ASB15: variants seen among roughly 807,000 people sequenced by gnomAD.
ASB15 encodes ankyrin repeat and SOCS box containing 15.
ASB15 carries 54 observed loss-of-function variants against 58.0 expected under a neutral mutation model. That is an observed-to-expected ratio of 0.93 (90% CI 0.75 to 1.17). The LOEUF is 1.17. Among genes scored for constraint, ASB15 ranks in the 50% most tolerant of loss-of-function variants. The pLI is 0.00. For missense variants in ASB15, 680 were observed against 707.4 expected (o/e 0.96, Z 0.44); for synonymous variants, 249 against 262.4 (o/e 0.95, Z 0.50).
chr7:123,570,121 G>A (rs977269069), intron 1 of ASB15, among the ~76,000 whole-genome samples: 1 of 140,034 alleles, frequency 7.1e-6, no homozygotes, highest in African/African-American at 2.7e-5. Context: ...TATAAGCTCT[G>A]CCTCCCGGGT....
At chr7:123,619,662 T>A (rs982398250) in intron 7 of ASB15, among the ~76,000 whole-genome samples, 1 of 152,172 alleles carries the variant, frequency 6.6e-6, no homozygotes, top group African/African-American at 2.4e-5. Flanking sequence ...TAGCTGGGAC[T>A]ACAGGCGCCC....
At chr7:123,621,677 C>T (rs1251126678) in intron 7 of ASB15, 2 of 152,104 alleles carry the variant, frequency 1.3e-5, no homozygotes, top group African/African-American at 2.4e-5. Flanking sequence ...ACTTTTGGTC[C>T]CTCTGGGACC....
At chr7:123,576,857 GGTTACATTATT>G (rs1799080933) in intron 1 of ASB15, among the ~76,000 whole-genome samples, 1 of 152,018 alleles carries the variant, frequency 6.6e-6, no homozygotes, top group South Asian at 2.1e-4. Context: ...AGGGTCTGCT[GGTTACATTATT>G]CCAGTTTTGT....
chr7:123,597,648 A>G (rs140596914), upstream of ASB15, among the ~76,000 whole-genome samples: 3,869 of 152,176 alleles, frequency 0.025, 155 homozygotes, highest in African/African-American at 0.088. Flanking sequence ...CTTGGCCAAC[A>G]TGGTGAAACC....
At chr7:123,589,949 G>T (rs989511192) in intron 1 of ASB15, among the ~76,000 whole-genome samples, 1 of 152,098 alleles carries the variant, frequency 6.6e-6, no homozygotes, top group Non-Finnish European at 1.5e-5. Flanking sequence ...GTGTAAAAGC[G>T]TTCCTATTTC....
At chr7:123,621,037 A>G (rs954476137) in intron 7 of ASB15, among the ~76,000 whole-genome samples, 1 of 152,094 alleles carries the variant, frequency 6.6e-6, no homozygotes, top group South Asian at 2.1e-4. Flanking sequence ...GTATCAATCC[A>G]CTTATTTCTT....
chr7:123,628,414 C>A (rs535797117), intron 9 of ASB15, among the ~76,000 whole-genome samples: 45 of 152,298 alleles, frequency 3.0e-4, no homozygotes, highest in Non-Finnish European at 5.7e-4. Context: ...TTAAATGAAG[C>A]AGTTGGACTG....
chr7:123,604,513 T>C (rs1417541914), intron 2 of ASB15, among the ~76,000 whole-genome samples: 4 of 149,678 alleles, frequency 2.7e-5, no homozygotes, highest in Non-Finnish European at 5.9e-5. Flanking sequence ...ACCTGGGAGG[T>C]GGATGTTGCA....
intron 7 of ASB15, chr7:123,619,964 CAAAT>C (rs1801131099): frequency 6.6e-6 from 1 of 152,274 alleles, no homozygotes; most frequent in South Asian, 2.1e-4. Flanking sequence ...ACAAAGCAAA[CAAAT>C]AAACAAGAAT....
At chr7:123,611,980 AC>A (rs1020442950) in intron 3 of ASB15, among the ~76,000 whole-genome samples, 3 of 151,408 alleles carry the variant, frequency 2.0e-5, no homozygotes, top group African/African-American at 2.4e-5. Context: ...AAAAAAAAAA[AC>A]GTTAAAATAA....
intron 1 of ASB15, among the ~76,000 whole-genome samples, chr7:123,581,182 A>G (rs1206835747): frequency 6.6e-6 from 1 of 151,936 alleles, no homozygotes; most frequent in East Asian, 1.9e-4. Context: ...AATGTTGCTC[A>G]GGGCATGAAC....
At position 123,629,970 on chromosome 7, in the gene ASB15, G is replaced by C. The variant is rs763405451; in HGVS notation, c.1445G>C (p.Cys482Ser). The C allele has an allele frequency of 6.4e-7, 1 of 1,573,562 alleles. No homozygotes were observed. Among genetic ancestry groups the C allele is most frequent in the East Asian group, 2.2e-5 (1 of 44,464 alleles). The change falls in exon 11 of 12, where the codon TGT (cysteine) becomes TCT (serine). Residue 482 changes from cysteine (C) to serine (S), a missense_variant. Physicochemically the swap from Cys to Ser is moderately radical, Grantham distance 112 (BLOSUM62 -1). Coordinates refer to ENST00000451215, the MANE Select transcript of ASB15 (RefSeq NM_001290258.2). ...TSCVIKDNPF[C>S]EFITVPWMKH... is the part of the protein sequence containing the mutation. ...AAATTTTATCAATTCTCTCAGTTCT[G>C]TGAGTTTATTACAGTTCCTTGGATG...
chr7:123,592,686 A>T (rs889836498), intron 1 of ASB15, among the ~76,000 whole-genome samples: 3 of 152,118 alleles, frequency 2.0e-5, no homozygotes, highest in Admixed American at 2.0e-4. Context: ...ACATTTGCTG[A>T]GGAGTGTTTT....
chr7:123,621,732 T>C (rs1399126131), intron 7 of ASB15, among the ~76,000 whole-genome samples: 2 of 152,198 alleles, frequency 1.3e-5, no homozygotes, highest in Non-Finnish European at 2.9e-5. Flanking sequence ...TTAAGGTACT[T>C]TGATGTATTA....
At chr7:123,609,949 G>C (rs569046353) in intron 3 of ASB15, among the ~76,000 whole-genome samples, 1 of 152,158 alleles carries the variant, frequency 6.6e-6, no homozygotes, top group Non-Finnish European at 1.5e-5. Flanking sequence ...CCTGTTGTTT[G>C]GACCATGATG....
intron 8 of ASB15, among the ~76,000 whole-genome samples, chr7:123,625,673 C>T (rs1801726052): frequency 6.6e-6 from 1 of 152,140 alleles, no homozygotes; most frequent in Non-Finnish European, 1.5e-5. Context: ...TTCTTAAACC[C>T]TCCAGGTGTT....
At chr7:123,624,077 C>T (rs545620814) in intron 7 of ASB15, among the ~76,000 whole-genome samples, 22 of 151,828 alleles carry the variant, frequency 1.4e-4, no homozygotes, top group Non-Finnish European at 3.1e-4. Flanking sequence ...GGGAAAAAAC[C>T]CTGTTTCTAT....
rs534281560 is a variant in ASB15 at position 123,573,354 on chromosome 7, A to C, written c.-443+6266A>C. 3.3e-5 allele frequency among the ~76,000 whole-genome samples: 5 copies of C among 149,430 alleles called. No individual in the cohort carries two copies. In the East Asian group the frequency reaches 9.9e-4, roughly 30 times the overall value. The stretch of plus-strand genomic sequence containing the variant: ...AGTTTAAATGCTCATCGTAAGTGGA[A>C]TCTTCTTTCTTCCCATCACCTGACC... On this transcript the variant is annotated intron_variant, in intron 1 of 13. Transcript: ENST00000451558.
chr7:123,594,074 T>C (rs1452690441), intron 1 of ASB15, among the ~76,000 whole-genome samples: 3 of 152,128 alleles, frequency 2.0e-5, no homozygotes, highest in African/African-American at 4.8e-5. Flanking sequence ...TCAAATCAGC[T>C]ACTGAAGCTT....
Sources: gnomAD v4.1 joint callset for allele counts (sites outside exome capture counted in the v4.1 genomes callset) on GRCh38, gnomAD v4.1.1 for gene constraint, MANE v1.5 for transcripts, NCBI Gene and HGNC (gene_info 2026-07-23, HGNC 2026-07-21) for gene names.